Variants in ANK3 observed in about 807,000 individuals in gnomAD.
ANK3 encodes ankyrin-3.
ANK3 carries 57 observed loss-of-function variants against 370.9 expected under a neutral mutation model. That is an observed-to-expected ratio of 0.15 (90% CI 0.12 to 0.19). The LOEUF (loss-of-function observed/expected upper bound fraction) is 0.19. Among genes scored for constraint, ANK3 ranks in the 10% least tolerant of loss-of-function variants. The pLI is 1.00. For missense variants in ANK3, 4,439 were observed against 5,302.1 expected (o/e 0.84, Z 5.06); for synonymous variants, 1,929 against 1,946.3 (o/e 0.99, Z 0.23).
At chr10:60,032,275 C>T (rs573735215) in intron 43 of ANK3, among the ~76,000 whole-genome samples, 15 of 131,004 alleles carry the variant, frequency 1.1e-4, no homozygotes, top group Non-Finnish European at 1.7e-4. Context: ...GGCATGATCA[C>T]GGCTAACTGC....
intron 41 of ANK3, among the ~76,000 whole-genome samples, chr10:60,057,245 A>G (rs2079382312): frequency 6.6e-6 from 1 of 152,154 alleles, no homozygotes; most frequent in South Asian, 2.1e-4. Context: ...TCCCTTAACT[A>G]TTAAAACTCT....
intron 23 of ANK3, chr10:60,140,541 G>T: frequency 7.0e-7 from 1 of 1,422,822 alleles, no homozygotes. Context: ...AGGCAATTGA[G>T]GAATTATACA....
chr10:60,076,724 C>A (rs1484830194), intron 36 of ANK3, among the ~76,000 whole-genome samples: 2 of 151,694 alleles, frequency 1.3e-5, no homozygotes, highest in South Asian at 2.1e-4. Flanking sequence ...ACCAAAGAGG[C>A]AAACAATGAA....
At chr10:60,310,361 G>A (rs1301716039) in intron 1 of ANK3, among the ~76,000 whole-genome samples, 2 of 152,142 alleles carry the variant, frequency 1.3e-5, no homozygotes, top group African/African-American at 4.8e-5. Context: ...ATGGATGACA[G>A]ATCTTCATCC....
intron 43 of ANK3, among the ~76,000 whole-genome samples, chr10:60,036,334 T>C (rs1038129423): frequency 5.9e-5 from 9 of 151,836 alleles, no homozygotes; most frequent in African/African-American, 1.2e-4. Context: ...TTGGTTTTTT[T>C]AATACTAGTA....
chr10:60,139,152 A>T, intron 23 of ANK3, 65 bp from the exon 24 acceptor site: 1 of 1,576,690 alleles, frequency 6.3e-7, no homozygotes, highest in Non-Finnish European at 8.6e-7. Context: ...CTGTGGAGAA[A>T]ATCACTCCTT....
intron 2 of ANK3, among the ~76,000 whole-genome samples, chr10:60,494,014 C>T (rs888363312): frequency 3.9e-5 from 6 of 152,082 alleles, no homozygotes; most frequent in African/African-American, 1.2e-4. Flanking sequence ...TGGACCCAGT[C>T]AAGGCCAAAG....
rs10994445 is a variant in ANK3 at position 60,638,061 on chromosome 10, G to A, written c.58-22837C>T. Among the ~76,000 whole-genome samples, 927 of 152,296 alleles carry A rather than the reference G, an allele frequency of 6.1e-3. 6 individuals are homozygous for A. The highest frequency in any genetic ancestry group is 0.01 in the Non-Finnish European group (702 of 68,022). ...ACAGTCGGAAATAATTCCAATTTGT[G>A]AGCTGAGTACAAGACAGGAGTGAAC... On this transcript the variant is annotated intron_variant, in intron 1 of 43. Coordinates refer to the ANK3 transcript ENST00000373827.
intron 23 of ANK3, chr10:60,140,913 A>T (rs1486955295): frequency 1.0e-6 from 1 of 985,716 alleles, no homozygotes; most frequent in Non-Finnish European, 1.2e-6. Context: ...GAATGAAGAA[A>T]CAGCCAACCC....
chr10:60,577,720 C>G (rs1341637487), intron 2 of ANK3, among the ~76,000 whole-genome samples: 2 of 152,102 alleles, frequency 1.3e-5, no homozygotes, highest in Non-Finnish European at 2.9e-5. Flanking sequence ...CAGACTAACA[C>G]AAGTATGTAT....
intron 1 of ANK3, among the ~76,000 whole-genome samples, chr10:60,649,818 G>T (rs2078763039): frequency 6.6e-6 from 1 of 152,126 alleles, no homozygotes; most frequent in Non-Finnish European, 1.5e-5. Flanking sequence ...CTTTCTTCTA[G>T]GTTCATGATA....
intron 1 of ANK3, among the ~76,000 whole-genome samples, chr10:60,332,763 C>T (rs1371819048): frequency 3.3e-5 from 5 of 152,210 alleles, no homozygotes; most frequent in Non-Finnish European, 7.3e-5. Context: ...TTTGATGGCT[C>T]TGTTCCGCCT....
chr10:60,049,994 T>C (rs1265356521), intron 42 of ANK3, among the ~76,000 whole-genome samples: 1 of 152,220 alleles, frequency 6.6e-6, no homozygotes, highest in Non-Finnish European at 1.5e-5. Flanking sequence ...AACATTAGTA[T>C]GTGATATGTT....
chr10:60,676,134 C>CA (rs61235530), intron 1 of ANK3, among the ~76,000 whole-genome samples: 18 of 151,974 alleles, frequency 1.2e-4, no homozygotes, highest in Middle Eastern at 3.4e-3. Flanking sequence ...ATAAAACAGT[C>CA]AAAAAAATAA....
intron 2 of ANK3, among the ~76,000 whole-genome samples, chr10:60,505,797 A>C (rs1398868925): frequency 6.6e-6 from 1 of 152,162 alleles, no homozygotes; most frequent in East Asian, 1.9e-4. Flanking sequence ...ACTATTTTTA[A>C]AAAGCTCTTT....
chr10:60,194,857 A>G (rs1184782968), intron 16 of ANK3, among the ~76,000 whole-genome samples: 1 of 152,192 alleles, frequency 6.6e-6, no homozygotes, highest in African/African-American at 2.4e-5. Context: ...TTCACTGGGT[A>G]TAATTCTGGA....
chr10:60,460,741 C>T (rs1042486404), intron 2 of ANK3, among the ~76,000 whole-genome samples: 1 of 152,074 alleles, frequency 6.6e-6, no homozygotes. Context: ...TCATTTTATT[C>T]TCATATTTTC....
At chr10:60,434,795 T>C (rs935244418) in intron 2 of ANK3, among the ~76,000 whole-genome samples, 2 of 152,250 alleles carry the variant, frequency 1.3e-5, no homozygotes, top group African/African-American at 2.4e-5. Context: ...ACACCTGCAA[T>C]AACTTTACAC....
chr10:60,204,392 G>C (rs1424087860), intron 11 of ANK3, among the ~76,000 whole-genome samples: 3 of 152,176 alleles, frequency 2.0e-5, no homozygotes, highest in Admixed American at 2.0e-4. Context: ...TTATCTCTAA[G>C]AGGGTTCCTA....
Sources: gnomAD v4.1 joint callset for allele counts (sites outside exome capture counted in the v4.1 genomes callset) on GRCh38, gnomAD v4.1.1 for gene constraint, MANE v1.5 for transcripts, NCBI Gene and HGNC (gene_info 2026-07-23, HGNC 2026-07-21) for gene names.